MRAP: variants seen among roughly 807,000 people sequenced by gnomAD.
MRAP encodes the protein melanocortin 2 receptor accessory protein.
Under a neutral mutation model 8.7 loss-of-function variants are expected in MRAP, and 8 were observed. The observed-to-expected ratio is 0.92, with a 90% CI of 0.54 to 1.66. The LOEUF (loss-of-function observed/expected upper bound fraction) is 1.66. Ranked by LOEUF, MRAP falls within the 40% of genes most tolerant of loss-of-function variation. The pLI is 0.00. For synonymous variants in MRAP, 95 were observed against 95.5 expected, an observed-to-expected ratio of 1.00 and a Z score of 0.03; for missense variants, 237 against 217.1, an observed-to-expected ratio of 1.09 and a Z score of -0.58.
chr21:32,311,818 G>C lies in MRAP; in HGVS notation c.341G>C (p.Gly114Ala). ...SQAQASSVEP[G>A]SRTGPDQPLR... ...GCTCAGGCGAGCTCAGTGGAGCCAGGGAGCAGAACTGGCCCTGACCAGCCG... is the reference window on the plus strand; with the variant it reads ...GCTCAGGCGAGCTCAGTGGAGCCAGCGAGCAGAACTGGCCCTGACCAGCCG... Residue 114 changes from glycine to alanine, a missense_variant, in exon 3 of 3, where the codon GGG (glycine) becomes GCG (alanine). Physicochemically the swap from Gly to Ala is moderately conservative, Grantham distance 60 (BLOSUM62 0). Transcript: ENST00000303645. The C allele has an allele frequency of 1.9e-6, 3 of 1,614,024 alleles. No individual in the cohort carries two copies. Among genetic ancestry groups the C allele is most frequent in the Non-Finnish European group, 2.5e-6 (3 of 1,180,038 alleles).
chr21:32,298,795 C>T, upstream of MRAP: 2 of 610,050 alleles, frequency 3.3e-6, no homozygotes. Flanking sequence ...ACACACCCCC[C>T]TGACCTTTCT....
Position 32,311,813 on chromosome 21 carries a change from G to C in MRAP, c.336G>C (p.Glu112Asp), listed in dbSNP as rs2032582438. ...CACAGGCTCAGGCGAGCTCAGTGGA[G>C]CCAGGGAGCAGAACTGGCCCTGACC... ...ATSQAQASSV[E>D]PGSRTGPDQP... is the part of the protein sequence containing the mutation. Residue 112 changes from glutamate (E) to aspartate (D), a missense_variant, in exon 3 of 3, where the codon GAG becomes GAC. By Grantham distance (45) the Glu-to-Asp change is conservative. Coordinates refer to ENST00000303645, the MANE Select transcript of MRAP (RefSeq NM_001379228.1). 6.2e-7 allele frequency: 1 copy of C among 1,614,084 alleles called. No homozygotes were observed. The highest frequency in any genetic ancestry group is 2.2e-5 in the East Asian group (1 of 44,870).
At chr21:32,294,708 T>C (rs1302900866), upstream of MRAP, among the ~76,000 whole-genome samples, 2 of 152,196 alleles carry the variant, frequency 1.3e-5, no homozygotes, top group Non-Finnish European at 2.9e-5. Flanking sequence ...ATGTAATTTA[T>C]CAATATGTCC....
At chr21:32,301,351 G>A (rs1443481204) in intron 1 of MRAP, among the ~76,000 whole-genome samples, 1 of 152,158 alleles carries the variant, frequency 6.6e-6, no homozygotes, top group Non-Finnish European at 1.5e-5. Flanking sequence ...TCTCATGATA[G>A]TGAGTGAGTT....
At chr21:32,292,100 T>C (rs1444011816) in intron 1 of MRAP, among the ~76,000 whole-genome samples, 3 of 151,956 alleles carry the variant, frequency 2.0e-5, no homozygotes, top group Admixed American at 1.3e-4. Context: ...ATTGACTAGA[T>C]AGTTGATTCA....
At chr21:32,310,989 C>T (rs1224822015) in intron 2 of MRAP, 1 of 152,248 alleles carries the variant, frequency 6.6e-6, no homozygotes, top group Non-Finnish European at 1.5e-5. Flanking sequence ...TTGTTCTCGG[C>T]TGCTAAGAAA....
intron 1 of MRAP, among the ~76,000 whole-genome samples, chr21:32,292,103 T>C (rs754991378): frequency 3.3e-5 from 5 of 152,000 alleles, no homozygotes; most frequent in South Asian, 4.2e-4. Flanking sequence ...GACTAGATAG[T>C]TGATTCAATT....
At chr21:32,302,294 T>C (rs556697349) in intron 1 of MRAP, among the ~76,000 whole-genome samples, 1 of 152,314 alleles carries the variant, frequency 6.6e-6, no homozygotes, top group Admixed American at 6.5e-5. Flanking sequence ...ATAAACTATC[T>C]CACAACATAG....
At chr21:32,299,629 C>T (rs991060755) in intron 1 of MRAP, among the ~76,000 whole-genome samples, 4 of 152,092 alleles carry the variant, frequency 2.6e-5, no homozygotes, top group Non-Finnish European at 5.9e-5. Flanking sequence ...CCGTGCCTGG[C>T]GAGAATATTC....
upstream of MRAP, among the ~76,000 whole-genome samples, chr21:32,296,170 C>CCT (rs2032135554): frequency 3.3e-5 from 5 of 152,112 alleles, no homozygotes; most frequent in South Asian, 8.3e-4. Flanking sequence ...ATCCCAACCT[C>CCT]CTCTTCTTAT....
chr21:32,300,861 G>A (rs569146413), intron 1 of MRAP, among the ~76,000 whole-genome samples: 11 of 151,110 alleles, frequency 7.3e-5, no homozygotes, highest in Non-Finnish European at 1.2e-4. Context: ...TGTCAGGGGC[G>A]TCATGCGTCC....
At chr21:32,299,147 G>T in intron 1 of MRAP, 70 bp downstream of exon 1, 1 of 1,176,976 alleles carries the variant, frequency 8.5e-7, no homozygotes, top group South Asian at 1.3e-5. Flanking sequence ...GGGCACTCCC[G>T]GCTTTCTCTG....
intron 2 of MRAP, chr21:32,311,048 TCA>T (rs2032552036): frequency 3.9e-5 from 6 of 152,418 alleles, no homozygotes; most frequent in Admixed American, 3.9e-4. Flanking sequence ...TTTAATGGAC[TCA>T]CAGTTTCACA....
At chr21:32,303,498 T>G (rs1307536009) in intron 1 of MRAP, among the ~76,000 whole-genome samples, 1 of 152,222 alleles carries the variant, frequency 6.6e-6, no homozygotes, top group Non-Finnish European at 1.5e-5. Context: ...GTCACTCCGC[T>G]GCTGAGGACT....
intron 1 of MRAP, among the ~76,000 whole-genome samples, chr21:32,299,395 C>T (rs1163540177): frequency 6.6e-6 from 1 of 152,104 alleles, no homozygotes; most frequent in African/African-American, 2.4e-5. Flanking sequence ...AGTGCAGTGG[C>T]GTGACCATAG....
At chr21:32,312,277 AATCAAGAGGAAAAGCT>A in exon 3 of MRAP, 1 of 1,372,156 alleles carries the variant, frequency 7.3e-7, no homozygotes, top group South Asian at 1.5e-5. Flanking sequence ...AATATATGCA[AATCAAGAGGAAAAGCT>A]GTTTGCTTAC....
At chr21:32,295,374 G>A (rs1951531305), upstream of MRAP, among the ~76,000 whole-genome samples, 1 of 152,134 alleles carries the variant, frequency 6.6e-6, no homozygotes, top group Non-Finnish European at 1.5e-5. Context: ...CTGGGGGTGG[G>A]CTGTCCACAT....
intron 1 of MRAP, among the ~76,000 whole-genome samples, chr21:32,303,904 CT>C (rs1052184463): frequency 6.6e-6 from 1 of 152,168 alleles, no homozygotes; most frequent in African/African-American, 2.4e-5. Flanking sequence ...TGACGATTGC[CT>C]TTTGGTCTGA....
At chr21:32,296,358 T>C (rs1021756710), upstream of MRAP, among the ~76,000 whole-genome samples, 1 of 152,214 alleles carries the variant, frequency 6.6e-6, no homozygotes, top group African/African-American at 2.4e-5. Context: ...CACAGTGTTG[T>C]ACACACCTGG....
Sources: gnomAD v4.1 joint callset for allele counts (sites outside exome capture counted in the v4.1 genomes callset) on GRCh38, gnomAD v4.1.1 for gene constraint, MANE v1.5 for transcripts, NCBI Gene and HGNC (gene_info 2026-07-23, HGNC 2026-07-21) for gene names.